Variants in ATXN7L2 observed in about 807,000 individuals in gnomAD.
ATXN7L2 encodes ataxin-7-like protein 2.
A neutral mutation model predicts 59.6 loss-of-function variants in ATXN7L2; 17 were observed. The ratio of observed to expected loss-of-function variants is 0.29; its 90% confidence interval spans 0.20 to 0.43. ATXN7L2 has a LOEUF of 0.43. Among genes scored for constraint, ATXN7L2 ranks in the 20% least tolerant of loss-of-function variants. ATXN7L2 has a pLI of 1.00. For missense variants in ATXN7L2, 858 were observed against 1,008.9 expected, an observed-to-expected ratio of 0.85 and a Z score of 2.03; for synonymous variants, 378 against 392.5, an observed-to-expected ratio of 0.96 and a Z score of 0.44.
rs1475251514 is a variant in ATXN7L2 at position 109,486,417 on chromosome 1, CT to C, written c.194-87del. Reference sequence around the variant, plus strand: ...TTATATCAGCGGGGAGGTGAAGTGCCTTCTGAGTGTGGGGTGGGAGTGCTCT... The same window carrying C: ...TTATATCAGCGGGGAGGTGAAGTGCCTCTGAGTGTGGGGTGGGAGTGCTCT... On this transcript the variant is annotated intron_variant, in intron 2 of 10. Transcript: ENST00000683729. This position sits in a 1 kb window ranked among gnomAD's most constrained non-coding sequence, Gnocchi z 4.3. 1 of 1,165,666 alleles carries C rather than the reference CT, an allele frequency of 8.6e-7. No individual in the cohort carries two copies. The highest frequency in any genetic ancestry group is 1.2e-6 in the Non-Finnish European group (1 of 809,612). 72.2% of individuals were successfully genotyped at this position (1,165,666 alleles called of 1,614,324 possible).
rs776844549 is a variant in ATXN7L2 at position 109,491,763 on chromosome 1, G to T, written c.2250+46G>T. 8.0e-6 allele frequency: 12 copies of T among 1,506,314 alleles called. 1 individual carries two copies. The East Asian group carries it at 9.6e-5, about 12-fold the overall frequency. The allele number at this position is 1,506,314 out of a possible 1,614,324, so 93.3% of individuals were successfully genotyped here. A position where few individuals can be genotyped will look rare whatever the true frequency, so the allele number is the denominator to read the frequency against. ...AGATTGATGAGGGTGGGGCACACAG[G>T]GGGTACCTGATACAGAGAAGATGCT... On this transcript the variant is annotated intron_variant, in intron 10 of 10. Transcript: ENST00000683729. This position sits in a 1 kb window ranked among gnomAD's most constrained non-coding sequence, Gnocchi z 4.1.
At chr1:109,485,207 A>T in intron 1 of ATXN7L2, 1 of 898,834 alleles carries the variant, frequency 1.1e-6, no homozygotes, top group Non-Finnish European at 1.3e-6. Context: ...TTGGTGACTC[A>T]GAATTGATTT....
Position 109,489,946 on chromosome 1 carries a change from G to A in ATXN7L2, c.1150G>A (p.Glu384Lys), listed in dbSNP as rs961396530. 1.7e-5 allele frequency: 27 copies of A among 1,613,600 alleles called. No individual in the cohort carries two copies. The highest frequency in any genetic ancestry group is 2.7e-5 in the African/African-American group (2 of 74,976). ...CCCTTCCAGGTCCCGGGCCTCCTCC[G>A]AGAGTGAATTGGATGATGAAGGCCC... Reference protein sequence around the residue: ...CALPRSRASSESELDDEGPCG... With the variant: ...CALPRSRASSKSELDDEGPCG... The change falls in exon 8 of 11, where the codon GAG (glutamate) becomes AAG (lysine). Residue 384 changes from glutamate (E) to lysine (K), a missense_variant. Coordinates refer to ENST00000683729, the MANE Select transcript of ATXN7L2 (RefSeq NM_001350175.2).
At chr1:109,487,339 C>G (rs1656664717) in intron 4 of ATXN7L2, 122 bp downstream of exon 4, 2 of 1,182,324 alleles carry the variant, frequency 1.7e-6, no homozygotes, top group South Asian at 1.8e-5. Context: ...GCCGTCCTGT[C>G]TGCAGCTTCC....
chr1:109,488,329 C>T lies in ATXN7L2; in HGVS notation c.797-54C>T. The T allele has an allele frequency of 2.6e-6, 4 of 1,520,876 alleles. No homozygotes were observed. In the South Asian group the frequency reaches 3.6e-5, roughly 14 times the overall value. The allele number at this position is 1,520,876 out of a possible 1,614,324, so 94.2% of individuals were successfully genotyped here. A position where few individuals can be genotyped will look rare whatever the true frequency, so the allele number is the denominator to read the frequency against. ...CCTTGGCAGGAAGCGGCCAAATCCT[C>T]CTGTAAACTCCTGGAAATGGTCTTG... is the stretch of plus-strand genomic sequence containing the variant. On this transcript the variant is annotated intron_variant, in intron 5 of 10. Transcript: ENST00000683729. This position sits in a 1 kb window ranked among gnomAD's most constrained non-coding sequence, Gnocchi z 5.0.
chr1:109,487,744 C>A lies in ATXN7L2; in HGVS notation c.736C>A (p.Pro246Thr), dbSNP rs770910741. 18 of 1,612,276 alleles carry A rather than the reference C, an allele frequency of 1.1e-5. No homozygotes were observed. In the Admixed American group the frequency reaches 2.8e-4, roughly 25 times the overall value. ...EGSSHWAEGS[P>T]PEKEPSGTRL... ...GTCCAGTCACTGGGCTGAAGGCAGC[C>A]CTCCTGAAAAGGAGCCCAGTGGGAC... is the stretch of plus-strand genomic sequence containing the variant. The change falls in exon 5 of 11, where the codon CCT (proline) becomes ACT (threonine). Residue 246 changes from proline to threonine, a missense_variant. Physicochemically the swap from Pro to Thr is conservative, Grantham distance 38 (BLOSUM62 -1). This residue lies in a region of ATXN7L2 where 734 missense variants were observed against 862.3 expected (regional missense o/e 0.85). Coordinates refer to ENST00000683729, the MANE Select transcript of ATXN7L2 (RefSeq NM_001350175.2).
At chr1:109,489,284 C>G in intron 7 of ATXN7L2, 184 bp downstream of exon 7, 1 of 718,622 alleles carries the variant, frequency 1.4e-6, no homozygotes, top group Non-Finnish European at 2.2e-6. Flanking sequence ...TCCAACCAGG[C>G]ATACCACAGC....
Position 109,491,781 on chromosome 1 carries a change from A to C in ATXN7L2, c.2250+64A>C. The C allele has an allele frequency of 6.9e-7, 1 of 1,457,210 alleles. No homozygotes were observed. Among genetic ancestry groups the C allele is most frequent in the Non-Finnish European group, 9.1e-7 (1 of 1,093,572 alleles). The allele number at this position is 1,457,210 out of a possible 1,614,324, so 90.3% of individuals were successfully genotyped here. A position where few individuals can be genotyped will look rare whatever the true frequency, so the allele number is the denominator to read the frequency against. On this transcript the variant is annotated intron_variant, in intron 10 of 10. Coordinates refer to ENST00000683729, the MANE Select transcript of ATXN7L2 (RefSeq NM_001350175.2). The surrounding 1 kb of genome is among the most constrained non-coding windows in gnomAD (Gnocchi z 4.1). ...CACACAGGGGGTACCTGATACAGAG[A>C]AGATGCTACATTGGTGTTTGTGCAG...
At position 109,488,753 on chromosome 1, in the gene ATXN7L2, G is replaced by GC; in HGVS notation, c.880-88dup. 1.4e-6 allele frequency: 2 copies of GC among 1,439,822 alleles called. No homozygotes were observed. Among genetic ancestry groups the GC allele is most frequent in the Non-Finnish European group, 1.9e-6 (2 of 1,053,900 alleles). 89.2% of individuals were successfully genotyped at this position (1,439,822 alleles called of 1,614,324 possible). A position where few individuals can be genotyped will look rare whatever the true frequency, so the allele number is the denominator to read the frequency against. On this transcript the variant is annotated intron_variant, in intron 6 of 10. Transcript: ENST00000683729. This position sits in a 1 kb window ranked among gnomAD's most constrained non-coding sequence, Gnocchi z 5.0. ...TGCAAATATGCCCACCTCTCTCCCT[G>GC]CCCCCCAACTTGCCCGGGCCAAAGC...
In ATXN7L2 at chr1:109,488,815, A is replaced by G. The variant is rs759972806; in HGVS notation, c.880-32A>G. 6.3e-7 allele frequency: 1 copy of G among 1,599,140 alleles called. No individual in the cohort carries two copies. Among genetic ancestry groups the G allele is most frequent in the South Asian group, 1.1e-5 (1 of 89,844 alleles). On this transcript the variant is annotated intron_variant, in intron 6 of 10. Coordinates refer to ENST00000683729, the MANE Select transcript of ATXN7L2 (RefSeq NM_001350175.2). The surrounding 1 kb of genome is among the most constrained non-coding windows in gnomAD (Gnocchi z 5.0). ...CCTCACCCCTTCTCAGTTCATACCT[A>G]CTCCCCAGCTCTCCACTCTGCTGTA...
chr1:109,487,882 G>A, intron 5 of ATXN7L2, 78 bp downstream of exon 5: 1 of 1,478,834 alleles, frequency 6.8e-7, no homozygotes, highest in Non-Finnish European at 9.0e-7. Context: ...GGCTGGATGA[G>A]GAGGAGGTCA....
At chr1:109,490,433 A>G (rs1557872761) in intron 9 of ATXN7L2, 41 bp downstream of exon 9, 1 of 1,602,752 alleles carries the variant, frequency 6.2e-7, no homozygotes, top group Non-Finnish European at 8.5e-7. Flanking sequence ...TAGAATGGAA[A>G]TTCCTAGGTT....
rs922477972 is a variant in ATXN7L2 at position 109,487,379 on chromosome 1, C to T, written c.510-139C>T. The T allele has an allele frequency of 1.6e-5, 19 of 1,174,238 alleles. No individual in the cohort carries two copies. In the Admixed American group the frequency reaches 4.2e-4, roughly 26 times the overall value. 72.7% of individuals were successfully genotyped at this position (1,174,238 alleles called of 1,614,324 possible). ...ATATATTCCAGGGAAGATGGGGTCT[C>T]CTCTTCCCGTGTTTCACACCCCTGC... is the stretch of plus-strand genomic sequence containing the variant. On this transcript the variant is annotated intron_variant, in intron 4 of 10. Transcript: ENST00000683729.
intron 7 of ATXN7L2, 106 bp from the exon 8 acceptor site, chr1:109,489,824 G>T (rs1656891665): frequency 1.7e-6 from 2 of 1,175,388 alleles, no homozygotes; most frequent in South Asian, 1.3e-5. Context: ...GCCCTGCAGG[G>T]TGTCTGCCCT....
rs1214628441 is a variant in ATXN7L2 at position 109,486,867 on chromosome 1, T to A, written c.299-140T>A. The A allele has an allele frequency of 3.4e-6, 3 of 882,542 alleles. No individual in the cohort carries two copies. Among genetic ancestry groups the A allele is most frequent in the Admixed American group, 3.2e-5 (1 of 31,630 alleles). The allele number at this position is 882,542 out of a possible 1,614,324, so 54.7% of individuals were successfully genotyped here. ...AATTTTGAGTCCTAAAGGCTCAGAT[T>A]CAAATGGGAAGGAGGCATGTTTACA... On this transcript the variant is annotated intron_variant, in intron 3 of 10. Transcript: ENST00000683729. The surrounding 1 kb of genome is among the most constrained non-coding windows in gnomAD (Gnocchi z 4.3).
At chr1:109,492,184 T>G (rs922960557) in intron 10 of ATXN7L2, 8 of 914,466 alleles carry the variant, frequency 8.7e-6, no homozygotes, top group South Asian at 4.6e-5. Context: ...TGTCCACTTA[T>G]GCACATGTGC....
At position 109,487,497 on chromosome 1, in the gene ATXN7L2, AC is replaced by A; in HGVS notation, c.510-16del. On this transcript the variant is annotated intron_variant, in intron 4 of 10. Transcript: ENST00000683729. ...CGCCTCCCCTCCCCTCCCTCAGCCA[AC>A]CCCCTCTCTCTGTGTGTAGCCTTTT... 6.8e-7 allele frequency: 1 copy of A among 1,476,132 alleles called. No homozygotes were observed. Among genetic ancestry groups the A allele is most frequent in the Non-Finnish European group, 9.0e-7 (1 of 1,115,386 alleles). 91.4% of individuals were successfully genotyped at this position (1,476,132 alleles called of 1,614,324 possible).
Position 109,486,382 on chromosome 1 carries a change from A to T in ATXN7L2, c.194-124A>T, listed in dbSNP as rs764050232. ...ACTCTGGAAGCTGGAAGCATTCAGCATGGAGCTTGTTATATCAGCGGGGAG... is the reference window on the plus strand; with the variant it reads ...ACTCTGGAAGCTGGAAGCATTCAGCTTGGAGCTTGTTATATCAGCGGGGAG... On this transcript the variant is annotated intron_variant, in intron 2 of 10. Coordinates refer to ENST00000683729, the MANE Select transcript of ATXN7L2 (RefSeq NM_001350175.2). This position sits in a 1 kb window ranked among gnomAD's most constrained non-coding sequence, Gnocchi z 4.3. 1.0e-6 allele frequency: 1 copy of T among 971,044 alleles called. No homozygotes were observed. Among genetic ancestry groups the T allele is most frequent in the East Asian group, 2.6e-5 (1 of 38,060 alleles). The allele number at this position is 971,044 out of a possible 1,614,324, so 60.2% of individuals were successfully genotyped here.
Position 109,489,209 on chromosome 1 carries a change from G to T in ATXN7L2, c.1133+109G>T. 1.4e-6 allele frequency: 2 copies of T among 1,404,508 alleles called. 1 individual carries two copies. The highest frequency in any genetic ancestry group is 4.5e-5 in the Admixed American group (2 of 44,298). 87.0% of individuals were successfully genotyped at this position (1,404,508 alleles called of 1,614,324 possible). ...GTGTCCTGGAAGAGGCACTCCCTCA[G>T]CCCTGAGTGTGGGGGTATTCCTGGG... On this transcript the variant is annotated intron_variant, in intron 7 of 10. Coordinates refer to ENST00000683729, the MANE Select transcript of ATXN7L2 (RefSeq NM_001350175.2).
Sources: allele counts gnomAD v4.1 joint callset, GRCh38; gene constraint gnomAD v4.1.1; regional missense constraint gnomAD v4.1.1; non-coding constraint Gnocchi (gnomAD v3.1); transcripts MANE v1.5; gene names NCBI Gene and HGNC (gene_info 2026-07-23, HGNC 2026-07-21).